Variants in HPSE2 observed in about 807,000 individuals in gnomAD.
HPSE2 encodes heparanase 2 (inactive).
HPSE2 carries 38 observed loss-of-function variants against 60.5 expected under a neutral mutation model. The observed-to-expected ratio is 0.63, with a 90% CI of 0.48 to 0.82. The LOEUF is 0.82. Among genes scored for constraint, HPSE2 ranks in the 40% least tolerant of loss-of-function variants. The pLI, the probability that HPSE2 is intolerant of heterozygous loss-of-function variation, is 0.00. For synonymous variants in HPSE2, 295 were observed against 293.2 expected, an observed-to-expected ratio of 1.01 and a Z score of -0.06; for missense variants, 713 against 740.4, an observed-to-expected ratio of 0.96 and a Z score of 0.43.
At chr10:99,178,403 A>G (rs1284163788) in intron 2 of HPSE2, among the ~76,000 whole-genome samples, 4 of 152,066 alleles carry the variant, frequency 2.6e-5, no homozygotes, top group Non-Finnish European at 5.9e-5. Context: ...AGAGAGAAGA[A>G]TCAAATAGAC....
chr10:98,722,004 G>A (rs917850750), intron 4 of HPSE2, among the ~76,000 whole-genome samples, 176 bp from the exon 5 acceptor site: 1 of 151,144 alleles, frequency 6.6e-6, no homozygotes, highest in African/African-American at 2.4e-5. Flanking sequence ...GGTCAAGTTA[G>A]CTTGCTGTTC....
intron 3 of HPSE2, among the ~76,000 whole-genome samples, chr10:99,023,521 G>A (rs913158165): frequency 2.0e-5 from 3 of 152,032 alleles, no homozygotes; most frequent in African/African-American, 7.2e-5. Flanking sequence ...GCCAGGGAGT[G>A]GATATAACAG....
chr10:98,760,807 G>A (rs1446730064), intron 3 of HPSE2, among the ~76,000 whole-genome samples: 1 of 152,006 alleles, frequency 6.6e-6, no homozygotes, highest in Non-Finnish European at 1.5e-5. Context: ...TTTGATATGA[G>A]CTTTGGTATC....
the HPSE2 span, among the ~76,000 whole-genome samples, chr10:99,245,187 G>A: frequency 1.1e-4 from 16 of 151,924 alleles, no homozygotes; most frequent in Non-Finnish European, 2.2e-4. Flanking sequence ...TGAAAATAAC[G>A]TGCAAGCCTA....
chr10:98,658,790 A>G (rs1947145530), intron 6 of HPSE2, among the ~76,000 whole-genome samples: 1 of 152,198 alleles, frequency 6.6e-6, no homozygotes, highest in African/African-American at 2.4e-5. Context: ...ATCAACAAAA[A>G]TTATTGGGCC....
At chr10:99,132,912 G>A (rs967224475) in intron 3 of HPSE2, among the ~76,000 whole-genome samples, 1 of 152,176 alleles carries the variant, frequency 6.6e-6, no homozygotes, top group Admixed American at 6.5e-5. Flanking sequence ...CTGGAAAGGG[G>A]TGCTGAAGCC....
chr10:99,091,338 C>A (rs1181698956), intron 3 of HPSE2, among the ~76,000 whole-genome samples: 1 of 152,028 alleles, frequency 6.6e-6, no homozygotes, highest in Non-Finnish European at 1.5e-5. Context: ...AAAACTAAAC[C>A]TTGTGAAAAA....
chr10:98,742,946 G>A (rs1235968836), intron 4 of HPSE2, among the ~76,000 whole-genome samples: 1 of 150,880 alleles, frequency 6.6e-6, no homozygotes, highest in East Asian at 1.9e-4. Flanking sequence ...ACCAAGAATG[G>A]GTCTCTTCTT....
chr10:98,960,830 C>T (rs561553857), intron 3 of HPSE2, among the ~76,000 whole-genome samples: 1 of 144,972 alleles, frequency 6.9e-6, no homozygotes, highest in African/African-American at 2.5e-5. Flanking sequence ...TGCTGGTGCG[C>T]TGCACCCACT....
At chr10:99,185,064 C>T (rs1847951956) in intron 2 of HPSE2, among the ~76,000 whole-genome samples, 1 of 151,722 alleles carries the variant, frequency 6.6e-6, no homozygotes, top group South Asian at 2.1e-4. Flanking sequence ...CTTTGGGAGG[C>T]TAAGGCTGGC....
chr10:98,589,431 G>A (rs923155383), intron 9 of HPSE2, among the ~76,000 whole-genome samples: 2 of 152,166 alleles, frequency 1.3e-5, no homozygotes, highest in Admixed American at 1.3e-4. Flanking sequence ...ACAAATAGTG[G>A]TCAAGATGAT....
chr10:99,130,295 C>G (rs1857185), intron 3 of HPSE2, among the ~76,000 whole-genome samples: 122,103 of 152,112 alleles, frequency 0.8, 51,220 homozygotes, highest in South Asian at 0.94. Context: ...GTATCACCTT[C>G]ATACCAAAAC....
intron 2 of HPSE2, among the ~76,000 whole-genome samples, chr10:99,215,320 GA>G (rs1451478373): frequency 6.6e-6 from 1 of 152,190 alleles, no homozygotes; most frequent in Non-Finnish European, 1.5e-5. Context: ...CAAGGACATG[GA>G]TGAAGCTGTA....
intron 3 of HPSE2, among the ~76,000 whole-genome samples, chr10:98,890,434 C>T (rs1174111124): frequency 1.3e-5 from 2 of 151,982 alleles, no homozygotes; most frequent in African/African-American, 2.4e-5. Context: ...TGATATAGTA[C>T]TAACTGAGGA....
At chr10:99,289,545 A>C in the HPSE2 span, among the ~76,000 whole-genome samples, 1 of 39,052 alleles carries the variant, frequency 2.6e-5, no homozygotes, top group South Asian at 1.1e-3. Context: ...TTTTTTACTC[A>C]GTGCCAAGAG....
rs376160906 is a variant in HPSE2, at chr10:99,195,880, A to G, written c.448+36468T>C. Among the ~76,000 whole-genome samples the G allele has an allele frequency of 7.9e-5, 12 of 152,254 alleles. No individual in the cohort carries two copies. In the South Asian group the frequency reaches 1.4e-3, roughly 18 times the overall value. ...AATCCTAAAATTTATATGGAACCAC[A>G]AAAGACCAAGAATAGCCAAAACTAT... On this transcript the variant is annotated intron_variant, in intron 2 of 11. Coordinates refer to ENST00000370552, the MANE Select transcript of HPSE2 (RefSeq NM_021828.5).
intron 3 of HPSE2, among the ~76,000 whole-genome samples, chr10:99,033,993 T>C (rs1957555277): frequency 6.6e-6 from 1 of 152,184 alleles, no homozygotes; most frequent in Non-Finnish European, 1.5e-5. Flanking sequence ...CAAATGCAAG[T>C]GAAGTTTTAA....
intron 3 of HPSE2, among the ~76,000 whole-genome samples, chr10:99,043,978 G>A (rs1957799900): frequency 6.6e-6 from 1 of 152,142 alleles, no homozygotes; most frequent in Admixed American, 6.5e-5. Flanking sequence ...TAATCTTCTT[G>A]GAGAAGTTGG....
At chr10:99,071,684 G>A (rs907317344) in intron 3 of HPSE2, among the ~76,000 whole-genome samples, 2 of 152,120 alleles carry the variant, frequency 1.3e-5, no homozygotes, top group Non-Finnish European at 2.9e-5. Context: ...TTATCCTAGT[G>A]GTTATGCAGT....
Sources: gnomAD v4.1 joint callset for allele counts (sites outside exome capture counted in the v4.1 genomes callset) on GRCh38, gnomAD v4.1.1 for gene constraint, MANE v1.5 for transcripts, NCBI Gene and HGNC (gene_info 2026-07-23, HGNC 2026-07-21) for gene names.